GGA1: variants seen among roughly 807,000 people sequenced by gnomAD.
GGA1 encodes ADP-ribosylation factor-binding protein GGA1.
A neutral mutation model predicts 76.9 loss-of-function variants in GGA1; 18 were observed. That is an observed-to-expected ratio of 0.23 (90% CI 0.16 to 0.35). The LOEUF is 0.35. Among genes scored for constraint, GGA1 ranks in the 10% least tolerant of loss-of-function variants. GGA1 has a pLI of 1.00. For synonymous variants in GGA1, 342 were observed against 354.7 expected, an observed-to-expected ratio of 0.96 and a Z score of 0.40; for missense variants, 755 against 859.0, an observed-to-expected ratio of 0.88 and a Z score of 1.51.
chr22:37,619,025 C>T (rs1228351383), intron 4 of GGA1, among the ~76,000 whole-genome samples: 3 of 152,196 alleles, frequency 2.0e-5, no homozygotes, highest in South Asian at 4.1e-4. Context: ...GGGCCATCCC[C>T]GGCTCAGCCC....
At chr22:37,609,317 A>T in intron 1 of GGA1, 1 of 1,108,812 alleles carries the variant, frequency 9.0e-7, no homozygotes. Context: ...CAGGCCCCGA[A>T]TCCTCCACTC....
rs1210038984 is a variant in GGA1, at chr22:37,632,105, C to A, written c.1638C>A (p.Ser546=). ...CCGACGTGCTGGTGGTGGTGGTTTC[C>A]ATGCTGAGCACCGCCCCCCAGCCCA... ...GRSDVLVVVV[S]MLSTAPQPIR... The change falls in exon 15 of 17, where the codon TCC becomes TCA. Residue 546 remains serine (S), a synonymous_variant. Transcript: ENST00000343632. This position sits in a 1 kb window ranked among gnomAD's most constrained non-coding sequence, Gnocchi z 5.1. 6.2e-7 allele frequency: 1 copy of A among 1,613,694 alleles called. No homozygotes were observed. The highest frequency in any genetic ancestry group is 2.2e-5 in the East Asian group (1 of 44,896).
intron 4 of GGA1, 53 bp downstream of exon 4, chr22:37,618,599 A>G (rs1929262236): frequency 9.1e-7 from 1 of 1,100,814 alleles, no homozygotes; most frequent in African/African-American, 1.5e-5. Context: ...TGGGGAGAGG[A>G]AAGAGGACCT....
Position 37,617,008 on chromosome 22 carries a change from G to A in GGA1, c.204+11G>A. The A allele has an allele frequency of 6.3e-7, 1 of 1,597,002 alleles. No homozygotes were observed. The highest frequency in any genetic ancestry group is 8.5e-7 in the Non-Finnish European group (1 of 1,171,832). On this transcript the variant is annotated intron_variant, in intron 3 of 16. Coordinates refer to ENST00000343632, the MANE Select transcript of GGA1 (RefSeq NM_013365.5). ...ATCCAGGCCTTGACGGTGAGAAGGG[G>A]AGAGGCCACCATCCGTCCCCCGCCA...
In GGA1 at chr22:37,624,883, T is replaced by C; in HGVS notation, c.833-86T>C. On this transcript the variant is annotated intron_variant, in intron 9 of 16. Coordinates refer to ENST00000343632, the MANE Select transcript of GGA1 (RefSeq NM_013365.5). This position sits in a 1 kb window ranked among gnomAD's most constrained non-coding sequence, Gnocchi z 4.3. ...CTTTCCCTTCCCCTCACACACAGGC[T>C]GTGATGGATGTGGGGTCCTCGTCCC... 2 of 1,508,978 alleles carry C rather than the reference T, an allele frequency of 1.3e-6. No individual in the cohort carries two copies. The highest frequency in any genetic ancestry group is 1.8e-6 in the Non-Finnish European group (2 of 1,120,512). 93.5% of individuals were successfully genotyped at this position (1,508,978 alleles called of 1,614,324 possible). A position where few individuals can be genotyped will look rare whatever the true frequency, so the allele number is the denominator to read the frequency against.
At chr22:37,629,254 G>A (rs1033261667) in intron 11 of GGA1, among the ~76,000 whole-genome samples, 9 of 152,184 alleles carry the variant, frequency 5.9e-5, no homozygotes, top group African/African-American at 1.7e-4. Flanking sequence ...GAGGGGAAGC[G>A]TGTGTGGGGT....
intron 11 of GGA1, among the ~76,000 whole-genome samples, chr22:37,629,180 G>A (rs967597136): frequency 3.9e-5 from 6 of 152,164 alleles, no homozygotes; most frequent in Non-Finnish European, 8.8e-5. Flanking sequence ...GATGACGAGT[G>A]AAGATGAAAG....
Position 37,629,525 on chromosome 22 carries a change from A to T in GGA1, c.1157A>T (p.Gln386Leu). 2.5e-6 allele frequency: 4 copies of T among 1,569,334 alleles called. No individual in the cohort carries two copies. The South Asian group carries it at 4.7e-5, about 18-fold the overall frequency. ...SLDGTGWNSF[Q>L]SSDATEPPAP... is the part of the protein sequence containing the mutation. The stretch of plus-strand genomic sequence containing the variant: ...GATGGTACCGGATGGAACAGCTTCC[A>T]GGTAGGAGGGGACCACAAACTAGTC... Residue 386 changes from glutamine (Q) to leucine (L), a missense_variant and splice_region_variant, in exon 12 of 17, where the codon CAG (glutamine) becomes CTG (leucine). Coordinates refer to ENST00000343632, the MANE Select transcript of GGA1 (RefSeq NM_013365.5).
rs767338938 is a variant in GGA1, at chr22:37,623,564, C to T, written c.763C>T (p.Arg255Cys). ...SEDLMKELYQ[R>C]CERMRPTLFR... ...CTGCTGCCCTCAGGAACTGTACCAGCGCTGTGAGCGGATGCGGCCCACGCT... is the reference window on the plus strand; with the variant it reads ...CTGCTGCCCTCAGGAACTGTACCAGTGCTGTGAGCGGATGCGGCCCACGCT... Residue 255 changes from arginine (R) to cysteine (C), a missense_variant, in exon 9 of 17, where the codon CGC becomes TGC. Arg to Cys is a radical substitution (Grantham distance 180). Transcript: ENST00000343632. The surrounding 1 kb of genome is among the most constrained non-coding windows in gnomAD (Gnocchi z 4.6). 5 of 1,611,988 alleles carry T rather than the reference C, an allele frequency of 3.1e-6. No individual in the cohort carries two copies. The highest frequency in any genetic ancestry group is 2.2e-5 in the East Asian group (1 of 44,816).
chr22:37,629,547 A>G, intron 12 of GGA1, 21 bp downstream of exon 12: 1 of 1,500,228 alleles, frequency 6.7e-7, no homozygotes, highest in Non-Finnish European at 9.1e-7. Flanking sequence ...ACCACAAACT[A>G]GTCTGGCCTG....
intron 1 of GGA1, chr22:37,613,948 G>A (rs1928245283): frequency 6.1e-6 from 3 of 490,432 alleles, no homozygotes; most frequent in South Asian, 2.1e-5. Flanking sequence ...GTGGGGAGGA[G>A]GGGAAGGGCC....
In GGA1 at chr22:37,616,849, G is replaced by A. The variant is rs56765269; in HGVS notation, c.129-73G>A. The A allele has an allele frequency of 3.6e-4, 527 of 1,459,450 alleles. 4 individuals are homozygous for A. The East Asian group carries it at 9.9e-3, about 27-fold the overall frequency. The allele number at this position is 1,459,450 out of a possible 1,614,324, so 90.4% of individuals were successfully genotyped here. A position where few individuals can be genotyped will look rare whatever the true frequency, so the allele number is the denominator to read the frequency against. On this transcript the variant is annotated intron_variant, in intron 2 of 16. Coordinates refer to ENST00000343632, the MANE Select transcript of GGA1 (RefSeq NM_013365.5). ...CTTGGAGGAGGGCTGCAGTCCCAGC[G>A]GCCTGGGGTCGTGGCCCTAGGGTGA... is the stretch of plus-strand genomic sequence containing the variant.
chr22:37,614,358 C>G (rs1928349294), intron 2 of GGA1, 84 bp downstream of exon 2: 2 of 933,432 alleles, frequency 2.1e-6, no homozygotes, highest in African/African-American at 1.6e-5. Context: ...TGGGTGGAGA[C>G]CCGGTTTTCA....
chr22:37,633,086 T>C lies in GGA1; in HGVS notation c.*375T>C, dbSNP rs776882522. ...GCTGGGGTGGGGTCTTCCCCACCTGTCTCTTATGCCTTATGGGAAGGCCCA... is the reference window on the plus strand; with the variant it reads ...GCTGGGGTGGGGTCTTCCCCACCTGCCTCTTATGCCTTATGGGAAGGCCCA... On this transcript the variant is annotated 3_prime_UTR_variant, in exon 17 of 17. Transcript: ENST00000343632. The C allele has an allele frequency of 2.4e-4, 53 of 221,672 alleles. No homozygotes were observed. Among genetic ancestry groups the C allele is most frequent in the Admixed American group, 4.6e-4 (9 of 19,608 alleles). 13.7% of individuals were successfully genotyped at this position (221,672 alleles called of 1,614,324 possible). A position where few individuals can be genotyped will look rare whatever the true frequency, so the allele number is the denominator to read the frequency against.
Position 37,630,016 on chromosome 22 carries a change from C to T in GGA1, c.1177C>T (p.Pro393Ser), listed in dbSNP as rs1217411210. The change falls in exon 13 of 17, where the codon CCC (proline) becomes TCC (serine). Residue 393 changes from proline to serine, a missense_variant. Physicochemically the swap from Pro to Ser is moderately conservative, Grantham distance 74 (BLOSUM62 -1). Transcript: ENST00000343632. ...CCCACAGTCGTCGGATGCCACTGAGCCCCCAGCCCCTGCTCTGGCCCAGGC... is the reference window on the plus strand; with the variant it reads ...CCCACAGTCGTCGGATGCCACTGAGTCCCCAGCCCCTGCTCTGGCCCAGGC... ...NSFQSSDATE[P>S]PAPALAQAPS... 1 of 1,569,108 alleles carries T rather than the reference C, an allele frequency of 6.4e-7. No individual in the cohort carries two copies. The highest frequency in any genetic ancestry group is 1.9e-5 in the Admixed American group (1 of 53,594).
At chr22:37,621,567 C>A in intron 6 of GGA1, 49 bp from the exon 7 acceptor site, 1 of 1,246,074 alleles carries the variant, frequency 8.0e-7, no homozygotes. Context: ...AGTCTTCTGA[C>A]CCCTGGCCCA....
At chr22:37,631,803 C>T (rs1035744651) in intron 14 of GGA1, among the ~76,000 whole-genome samples, 193 bp from the exon 15 acceptor site, 2 of 152,200 alleles carry the variant, frequency 1.3e-5, no homozygotes, top group African/African-American at 2.4e-5. Flanking sequence ...TGGGGGTTCA[C>T]CTGCCCTCTC....
At chr22:37,613,175 C>G (rs74974951) in intron 1 of GGA1, 2 of 984,894 alleles carry the variant, frequency 2.0e-6, no homozygotes, top group African/African-American at 3.5e-5. Flanking sequence ...TGAAGGCTTT[C>G]TGAACCTGGT....
In GGA1 at chr22:37,625,129, A is replaced by G; in HGVS notation, c.940+53A>G. On this transcript the variant is annotated intron_variant, in intron 10 of 16. Transcript: ENST00000343632. The surrounding 1 kb of genome is among the most constrained non-coding windows in gnomAD (Gnocchi z 4.1). ...GGCACCCATCAGGCTGGAGGGGCACAGAGAGTGCAGGGTGGTGTGCTGGTC... is the reference window on the plus strand; with the variant it reads ...GGCACCCATCAGGCTGGAGGGGCACGGAGAGTGCAGGGTGGTGTGCTGGTC... The G allele has an allele frequency of 6.9e-7, 1 of 1,450,724 alleles. No homozygotes were observed. The highest frequency in any genetic ancestry group is 9.5e-7 in the Non-Finnish European group (1 of 1,056,594). 89.9% of individuals were successfully genotyped at this position (1,450,724 alleles called of 1,614,324 possible).
Sources: allele counts gnomAD v4.1 joint callset (sites outside exome capture counted in the v4.1 genomes callset), GRCh38; gene constraint gnomAD v4.1.1; non-coding constraint Gnocchi (gnomAD v3.1); transcripts MANE v1.5; gene names NCBI Gene and HGNC (gene_info 2026-07-23, HGNC 2026-07-21).